Variants in C21orf58 observed in about 807,000 individuals in gnomAD.
C21orf58 encodes uncharacterized protein C21orf58.
C21orf58 carries 34 observed loss-of-function variants against 35.8 expected under a neutral mutation model. That is an observed-to-expected ratio of 0.95 (90% CI 0.72 to 1.26). The LOEUF (loss-of-function observed/expected upper bound fraction) is 1.26. Among genes scored for constraint, C21orf58 ranks in the 50% most tolerant of loss-of-function variants. The pLI, the probability that C21orf58 is intolerant of heterozygous loss-of-function variation, is 0.00. For missense variants in C21orf58, 440 were observed against 414.3 expected, an observed-to-expected ratio of 1.06 and a Z score of -0.54; for synonymous variants, 191 against 175.8, an observed-to-expected ratio of 1.09 and a Z score of -0.68.
chr21:46,302,636 T>C lies in C21orf58; in HGVS notation c.722-60A>G. The C allele has an allele frequency of 2.3e-6, 3 of 1,327,560 alleles. No individual in the cohort carries two copies. The East Asian group carries it at 7.4e-5, about 33-fold the overall frequency. The allele number at this position is 1,327,560 out of a possible 1,614,324, so 82.2% of individuals were successfully genotyped here. ...TTTCCGTTTTTCCTATTTGTTAAAG[T>C]GATAGAGCATTATAGGACCAGAGAA... On this transcript the variant is annotated intron_variant, in intron 6 of 7. Transcript: ENST00000291691.
chr21:46,308,469 A>AG (rs2082525137), intron 6 of C21orf58, among the ~76,000 whole-genome samples: 2 of 152,102 alleles, frequency 1.3e-5, no homozygotes, highest in African/African-American at 4.8e-5. Flanking sequence ...TCAAAAAAAA[A>AG]GAGTTAAATC....
At chr21:46,321,540 A>G (rs2083156124) in intron 1 of C21orf58, among the ~76,000 whole-genome samples, 1 of 152,174 alleles carries the variant, frequency 6.6e-6, no homozygotes, top group Admixed American at 6.5e-5. Flanking sequence ...GATGACCTTG[A>G]CAGTTTCGAA....
chr21:46,318,897 G>C, intron 1 of C21orf58: 1 of 977,560 alleles, frequency 1.0e-6, no homozygotes, highest in Non-Finnish European at 1.2e-6. Flanking sequence ...CCACGTTGAT[G>C]AGTTAGTCAA....
chr21:46,318,189 T>C lies in C21orf58; in HGVS notation c.132A>G (p.Ala44=). The C allele has an allele frequency of 6.2e-7, 1 of 1,612,788 alleles. No individual in the cohort carries two copies. Among genetic ancestry groups the C allele is most frequent in the Non-Finnish European group, 8.5e-7 (1 of 1,180,014 alleles). The change falls in exon 2 of 8, where the codon GCA becomes GCG. Residue 44 remains alanine, a synonymous_variant. Transcript: ENST00000291691. ...GWSPGGKARP[A]GNTGAWAPAE... is the part of the protein sequence containing the mutation. ...CAGGAGCCCAAGCACCGGTGTTGCC[T>C]GCAGGGCGGGCCTTACCTCCTGGAG...
At chr21:46,307,386 C>A (rs2082469216) in intron 6 of C21orf58, among the ~76,000 whole-genome samples, 1 of 152,096 alleles carries the variant, frequency 6.6e-6, no homozygotes, top group Admixed American at 6.6e-5. Flanking sequence ...CCCATTCACA[C>A]ACACCCCTAC....
rs1456125604 is a variant in C21orf58, at chr21:46,302,480, C to T, written c.813+5G>A. ...GCCTAGGGTTCTGCTGGGGGCTAAG[C>T]CTACCTGCAGGGCTGGGGGCAGGGC... is the stretch of plus-strand genomic sequence containing the variant. On this transcript the variant is annotated splice_donor_5th_base_variant and intron_variant, in intron 7 of 7. Transcript: ENST00000291691. 2.5e-6 allele frequency: 4 copies of T among 1,599,716 alleles called. No individual in the cohort carries two copies. The Admixed American group carries it at 6.8e-5, about 27-fold the overall frequency.
Position 46,323,294 on chromosome 21 carries a change from C to T in C21orf58, c.-556G>A, listed in dbSNP as rs1056728813. On this transcript the variant is annotated 5_prime_UTR_variant, in exon 1 of 8. Transcript: ENST00000291691. ...CTCTGCAAGCTTATGTTCCGCTGAG[C>T]TCAAGCTGAGGGACGACGACCTCAT... 6.6e-6 allele frequency: 1 copy of T among 152,350 alleles called. No individual in the cohort carries two copies. The highest frequency in any genetic ancestry group is 2.4e-5 in the African/African-American group (1 of 41,480). 9.4% of individuals were successfully genotyped at this position (152,350 alleles called of 1,614,324 possible). A position where few individuals can be genotyped will look rare whatever the true frequency, so the allele number is the denominator to read the frequency against.
At position 46,315,539 on chromosome 21, in the gene C21orf58, C is replaced by T. The variant is rs199568321; in HGVS notation, c.379G>A (p.Asp127Asn). The T allele has an allele frequency of 5.4e-5, 87 of 1,609,716 alleles. No individual in the cohort carries two copies. Among genetic ancestry groups the T allele is most frequent in the Non-Finnish European group, 4.3e-5 (51 of 1,176,602 alleles). The change falls in exon 4 of 8, where the codon GAC becomes AAC. Residue 127 changes from aspartate to asparagine, a missense_variant. Transcript: ENST00000291691. ...EGLHLEPGNE[D>N]RPDDALQTAL... ...GTCTGCAGGGCATCGTCCGGCCGGT[C>T]CTCATTTCCTGGAGGGAAGAACCTG...
chr21:46,316,546 C>T (rs557047649), intron 3 of C21orf58, among the ~76,000 whole-genome samples: 12 of 152,332 alleles, frequency 7.9e-5, no homozygotes, highest in African/African-American at 2.9e-4. Flanking sequence ...GGCCTCCTTT[C>T]CCTTAGGCAC....
At chr21:46,312,867 A>G in intron 5 of C21orf58, 2 of 415,400 alleles carry the variant, frequency 4.8e-6, no homozygotes, top group Non-Finnish European at 6.5e-6. Flanking sequence ...AACTTGGTTA[A>G]TTACTGTCCT....
At chr21:46,321,240 C>T (rs2083147858) in intron 1 of C21orf58, among the ~76,000 whole-genome samples, 1 of 152,092 alleles carries the variant, frequency 6.6e-6, no homozygotes, top group South Asian at 2.1e-4. Flanking sequence ...GCAATCTTGG[C>T]TCACTGCAAC....
chr21:46,318,124 C>T lies in C21orf58; in HGVS notation c.197G>A (p.Gly66Glu), dbSNP rs2083044704. The change falls in exon 2 of 8, where the codon GGA becomes GAA. Residue 66 changes from glycine to glutamate, a missense_variant. Coordinates refer to ENST00000291691, the MANE Select transcript of C21orf58 (RefSeq NM_058180.5). ...GGGCAGGGGAGGCCACAGCCCACCT[C>T]CCTCCCTGGTTCTGTTACTCGCAGG... ...FFPASNRTRE[G>E]GGLWPPLPLQ... 6.2e-7 allele frequency: 1 copy of T among 1,613,034 alleles called. No homozygotes were observed. Among genetic ancestry groups the T allele is most frequent in the Admixed American group, 1.7e-5 (1 of 60,008 alleles).
chr21:46,315,701 T>C (rs2082950664), intron 3 of C21orf58, among the ~76,000 whole-genome samples, 154 bp from the exon 4 acceptor site: 1 of 152,026 alleles, frequency 6.6e-6, no homozygotes, highest in Admixed American at 6.5e-5. Context: ...TCTTAGGTTA[T>C]CCCAGATAAA....
intron 5 of C21orf58, among the ~76,000 whole-genome samples, chr21:46,312,058 ACCACCCACCCATCCAT>A (rs1176341932): frequency 1.7e-4 from 19 of 115,072 alleles, no homozygotes; most frequent in African/African-American, 6.3e-4. Flanking sequence ...CAACCAACCA[ACCACCCACCCATCCAT>A]CCACCCACCC....
chr21:46,303,743 ATATTTTTTTT>A lies in C21orf58; in HGVS notation c.722-1177_722-1168del, dbSNP rs1440276374. The stretch of plus-strand genomic sequence containing the variant: ...TATATATATATATATATATATATAT[ATATTTTTTTT>A]TTTTTTTTTTTTTTTGGAGACAGAG... On this transcript the variant is annotated intron_variant, in intron 6 of 7. Transcript: ENST00000291691. Among the ~76,000 whole-genome samples the A allele has an allele frequency of 4.3e-3, 85 of 19,574 alleles. 2 individuals are homozygous for A. The highest frequency in any genetic ancestry group is 5.5e-3 in the African/African-American group (27 of 4,932). The allele number at this position is 19,574 out of a possible 152,430, so 12.8% of individuals were successfully genotyped here.
At position 46,322,793 on chromosome 21, in the gene C21orf58, C is replaced by G. The variant is rs1286505619; in HGVS notation, c.-55G>C. 22 of 1,247,336 alleles carry G rather than the reference C, an allele frequency of 1.8e-5. No individual in the cohort carries two copies. Among genetic ancestry groups the G allele is most frequent in the Non-Finnish European group, 2.2e-5 (21 of 940,862 alleles). The allele number at this position is 1,247,336 out of a possible 1,614,324, so 77.3% of individuals were successfully genotyped here. On this transcript the variant is annotated 5_prime_UTR_variant, in exon 1 of 8. Coordinates refer to ENST00000291691, the MANE Select transcript of C21orf58 (RefSeq NM_058180.5). Reference sequence around the variant, plus strand: ...CTGTCTCAAAAAAAGAAAAAAAATTCTGAGCGAGATTCCAGGGCTTCCTGA... The same window carrying G: ...CTGTCTCAAAAAAAGAAAAAAAATTGTGAGCGAGATTCCAGGGCTTCCTGA...
chr21:46,313,999 C>G (rs1047407738), intron 5 of C21orf58, among the ~76,000 whole-genome samples: 6 of 152,192 alleles, frequency 3.9e-5, no homozygotes, highest in African/African-American at 1.4e-4. Flanking sequence ...TTCAGAAAGT[C>G]AGAGTTGTTT....
Position 46,301,232 on chromosome 21 carries a change from C to T in C21orf58, c.*767G>A. On this transcript the variant is annotated 3_prime_UTR_variant, in exon 8 of 8. Coordinates refer to ENST00000291691, the MANE Select transcript of C21orf58 (RefSeq NM_058180.5). ...TCAGAGCTCACTGCAGCTTCTAACT[C>T]CTGGGCTCAAGCAATCCTCCCACCT... The T allele has an allele frequency of 2.9e-6, 1 of 348,354 alleles. No homozygotes were observed. Among genetic ancestry groups the T allele is most frequent in the Non-Finnish European group, 4.0e-6 (1 of 247,556 alleles). 21.6% of individuals were successfully genotyped at this position (348,354 alleles called of 1,614,324 possible).
intron 1 of C21orf58, among the ~76,000 whole-genome samples, chr21:46,322,210 CG>C (rs2083185681): frequency 6.6e-6 from 1 of 150,880 alleles, no homozygotes; most frequent in Non-Finnish European, 1.5e-5. Context: ...CACCTGAGCC[CG>C]GGGAAGTTGA....
Sources: allele counts gnomAD v4.1 joint callset (sites outside exome capture counted in the v4.1 genomes callset), GRCh38; gene constraint gnomAD v4.1.1; transcripts MANE v1.5; gene names NCBI Gene and HGNC (gene_info 2026-07-23, HGNC 2026-07-21).